Variants in PSMG4 observed in about 807,000 individuals in gnomAD.
The protein encoded by PSMG4 is proteasome (prosome, macropain) assembly chaperone 4.
Under a neutral mutation model 11.0 loss-of-function variants are expected in PSMG4, and 10 were observed. The ratio of observed to expected loss-of-function variants is 0.91; its 90% CI spans 0.56 to 1.54. PSMG4 has a LOEUF of 1.54. Ranked by LOEUF, PSMG4 falls within the 40% of genes most tolerant of loss-of-function variation. The pLI is 0.00. For synonymous variants in PSMG4, 95 were observed against 71.3 expected (o/e 1.33, Z -1.68); for missense variants, 198 against 160.9 (o/e 1.23, Z -1.25).
upstream of PSMG4, chr6:3,255,283 A>AT: frequency 2.0e-6 from 3 of 1,534,946 alleles, no homozygotes; most frequent in Non-Finnish European, 2.6e-6. Context: ...TTACGGGTCT[A>AT]TCGGTGCCCA....
At chr6:3,261,172 C>T (rs1043758042) in intron 1 of PSMG4, among the ~76,000 whole-genome samples, 5 of 152,230 alleles carry the variant, frequency 3.3e-5, no homozygotes, top group African/African-American at 1.2e-4. Context: ...ACAGCGGCAC[C>T]TGGGAAGGCC....
chr6:3,257,584 A>G (rs1757808833), upstream of PSMG4, among the ~76,000 whole-genome samples: 1 of 152,192 alleles, frequency 6.6e-6, no homozygotes, highest in Admixed American at 6.5e-5. Flanking sequence ...GACACAAGCC[A>G]TTGACACACA....
At chr6:3,259,879 C>T (rs1160358313) in intron 1 of PSMG4, among the ~76,000 whole-genome samples, 1 of 152,194 alleles carries the variant, frequency 6.6e-6, no homozygotes, top group African/African-American at 2.4e-5. Flanking sequence ...CTGGTTTCTC[C>T]TGGTTTCCTG....
At chr6:3,254,587 T>G (rs563355752), upstream of PSMG4, among the ~76,000 whole-genome samples, 2 of 152,300 alleles carry the variant, frequency 1.3e-5, no homozygotes, top group South Asian at 4.1e-4. Flanking sequence ...AACCCAACGA[T>G]GGAAGTAAAT....
At chr6:3,254,885 C>T (rs549222901), upstream of PSMG4, among the ~76,000 whole-genome samples, 103 of 151,682 alleles carry the variant, frequency 6.8e-4, no homozygotes, top group Middle Eastern at 3.4e-3. Context: ...AGGGTGACTC[C>T]GACCTTGTAA....
chr6:3,264,549 A>C (rs1391921939), intron 2 of PSMG4: 1 of 785,128 alleles, frequency 1.3e-6, no homozygotes, highest in African/African-American at 1.7e-5. Flanking sequence ...CACCTGGCCC[A>C]GGGGGAAGGC....
chr6:3,255,178 C>A (rs201749536), upstream of PSMG4: 8 of 1,550,604 alleles, frequency 5.2e-6, no homozygotes, highest in African/African-American at 2.7e-5. Flanking sequence ...CTTACATGTG[C>A]GCTCTGGTGG....
upstream of PSMG4, among the ~76,000 whole-genome samples, chr6:3,256,239 G>C (rs76363886): frequency 6.6e-6 from 1 of 152,146 alleles, no homozygotes; most frequent in Non-Finnish European, 1.5e-5. Context: ...CTACCCTATA[G>C]GGCACAGATC....
At chr6:3,254,553 G>C (rs999264133), upstream of PSMG4, among the ~76,000 whole-genome samples, 4 of 152,018 alleles carry the variant, frequency 2.6e-5, no homozygotes, top group Non-Finnish European at 5.9e-5. Context: ...GTGCAGATTT[G>C]TTCTCGGGGT....
chr6:3,256,359 A>G (rs1207184211), upstream of PSMG4, among the ~76,000 whole-genome samples: 1 of 151,806 alleles, frequency 6.6e-6, no homozygotes, highest in Non-Finnish European at 1.5e-5. Context: ...TTTGGCGAGG[A>G]CTCCCTTTAT....
chr6:3,258,857 C>G (rs1757850862), upstream of PSMG4: 1 of 614,898 alleles, frequency 1.6e-6, no homozygotes, highest in Non-Finnish European at 2.4e-6. Flanking sequence ...CGCCCCCAAC[C>G]CAAGCCCGGG....
chr6:3,254,558 C>A (rs570866182), upstream of PSMG4, among the ~76,000 whole-genome samples: 1 of 151,692 alleles, frequency 6.6e-6, no homozygotes, highest in African/African-American at 2.4e-5. Flanking sequence ...GATTTGTTCT[C>A]GGGGTTTGTG....
At position 3,259,091 on chromosome 6, in the gene PSMG4, G is replaced by A; in HGVS notation, c.69G>A (p.Glu23=). 7.9e-7 allele frequency: 1 copy of A among 1,272,098 alleles called. No homozygotes were observed. 78.8% of individuals were successfully genotyped at this position (1,272,098 alleles called of 1,614,324 possible). A position where few individuals can be genotyped will look rare whatever the true frequency, so the allele number is the denominator to read the frequency against. ...ACAACTTCAGCGCGAGGCTGTGGGAGCAGCTGGTCCACTTCCACGTCATGC... is the reference window on the plus strand; with the variant it reads ...ACAACTTCAGCGCGAGGCTGTGGGAACAGCTGGTCCACTTCCACGTCATGC... ...SLHNFSARLW[E]QLVHFHVMRL... The change falls in exon 1 of 3, where the codon GAG becomes GAA. Residue 23 remains glutamate (E), a synonymous_variant. Coordinates refer to ENST00000438998, the MANE Select transcript of PSMG4 (RefSeq NM_001128591.2).
In PSMG4 at chr6:3,263,688, C is replaced by G; in HGVS notation, c.179C>G (p.Ser60Cys). 6.5e-7 allele frequency: 1 copy of G among 1,547,276 alleles called. No individual in the cohort carries two copies. The highest frequency in any genetic ancestry group is 8.7e-7 in the Non-Finnish European group (1 of 1,145,194). The change falls in exon 2 of 3, where the codon TCC (serine) becomes TGC (cysteine). Residue 60 changes from serine (S) to cysteine (C), a missense_variant. By Grantham distance (112) the Ser-to-Cys change is moderately radical. Coordinates refer to ENST00000438998, the MANE Select transcript of PSMG4 (RefSeq NM_001128591.2). ...LAVAMCSRYD[S>C]IPVSTSLLGD... Reference sequence around the variant, plus strand: ...TGCCCTTTGCTTTTCTTTTAGGACTCCATCCCCGTGTCTACCTCCCTCCTT... The same window carrying G: ...TGCCCTTTGCTTTTCTTTTAGGACTGCATCCCCGTGTCTACCTCCCTCCTT...
At chr6:3,264,225 T>G (rs1561843474) in intron 2 of PSMG4, 1 of 1,551,606 alleles carries the variant, frequency 6.4e-7, no homozygotes. Context: ...GAGGGAAGAC[T>G]GGCCTGGCCT....
At chr6:3,254,596 A>C (rs114585009), upstream of PSMG4, among the ~76,000 whole-genome samples, 1 of 152,120 alleles carries the variant, frequency 6.6e-6, no homozygotes, top group Non-Finnish European at 1.5e-5. Flanking sequence ...ATGGAAGTAA[A>C]TAATTCCAGT....
intron 2 of PSMG4, 150 bp from the exon 3 acceptor site, chr6:3,267,441 T>C (rs1475390043): frequency 1.2e-6 from 1 of 811,560 alleles, no homozygotes; most frequent in Non-Finnish European, 1.8e-6. Context: ...TTGCAGCACC[T>C]GTCTGAAGAG....
intron 1 of PSMG4, among the ~76,000 whole-genome samples, chr6:3,263,083 G>T (rs1421204888): frequency 4.6e-5 from 7 of 152,186 alleles, no homozygotes; most frequent in African/African-American, 1.7e-4. Flanking sequence ...TCACCTTACT[G>T]CTTCTTGTCT....
chr6:3,259,158 C>T lies in PSMG4; in HGVS notation c.136C>T (p.His46Tyr), dbSNP rs1757868222. The T allele has an allele frequency of 9.2e-6, 12 of 1,309,192 alleles. No homozygotes were observed. Among genetic ancestry groups the T allele is most frequent in the Non-Finnish European group, 1.2e-5 (12 of 1,029,196 alleles). The allele number at this position is 1,309,192 out of a possible 1,614,324, so 81.1% of individuals were successfully genotyped here. A position where few individuals can be genotyped will look rare whatever the true frequency, so the allele number is the denominator to read the frequency against. The change falls in exon 1 of 3, where the codon CAC becomes TAC. Residue 46 changes from histidine to tyrosine, a missense_variant. By Grantham distance (83) the His-to-Tyr change is moderately conservative (BLOSUM62 2). Coordinates refer to ENST00000438998, the MANE Select transcript of PSMG4 (RefSeq NM_001128591.2). ...GTTCCTGTGGGTGGGGGCCACGCCG[C>T]ACCTGCGCAACCTCGCCGTGGCCAT... ...SLFLWVGATP[H>Y]LRNLAVAMCS...
Sources: gnomAD v4.1 joint callset for allele counts (sites outside exome capture counted in the v4.1 genomes callset) on GRCh38, gnomAD v4.1.1 for gene constraint, MANE v1.5 for transcripts, NCBI Gene and HGNC (gene_info 2026-07-23, HGNC 2026-07-21) for gene names.